Variants in RTTN observed in about 807,000 individuals in gnomAD.
The protein encoded by RTTN is rotatin.
RTTN carries 182 observed loss-of-function variants against 269.2 expected under a neutral mutation model. The observed-to-expected ratio is 0.68, with a 90% CI of 0.60 to 0.76. RTTN has a LOEUF of 0.76. Among genes scored for constraint, RTTN ranks in the 30% least tolerant of loss-of-function variants. The probability of loss-of-function intolerance (pLI) is 0.00; values close to 1 mark genes in which losing one functional copy is unlikely to be tolerated. For synonymous variants in RTTN, 1,006 were observed against 963.5 expected, an observed-to-expected ratio of 1.04 and a Z score of -0.82; for missense variants, 2,545 against 2,608.6, an observed-to-expected ratio of 0.98 and a Z score of 0.53.
chr18:70,032,475 G>C (rs2144641113), intron 40 of RTTN, among the ~76,000 whole-genome samples: 1 of 152,188 alleles, frequency 6.6e-6, no homozygotes, highest in Non-Finnish European at 1.5e-5. Context: ...TCAAAATAAA[G>C]GGATGGAAAA....
At chr18:70,088,233 C>T (rs2058753593) in intron 30 of RTTN, 86 bp from the exon 31 acceptor site, 28 of 1,248,408 alleles carry the variant, frequency 2.2e-5, no homozygotes, top group Non-Finnish European at 2.9e-5. Flanking sequence ...ATAAATATCA[C>T]ACTTTAAAAA....
At chr18:70,143,087 G>T (rs1300829598) in intron 18 of RTTN, among the ~76,000 whole-genome samples, 1 of 152,150 alleles carries the variant, frequency 6.6e-6, no homozygotes, top group Non-Finnish European at 1.5e-5. Context: ...TAGCAGTTTT[G>T]ATTTGCATTT....
At chr18:70,069,269 T>C (rs1331399076) in intron 34 of RTTN, among the ~76,000 whole-genome samples, 1 of 152,186 alleles carries the variant, frequency 6.6e-6, no homozygotes, top group East Asian at 1.9e-4. Context: ...GTGGTAATCA[T>C]TTCATCACAT....
chr18:70,140,063 G>T, intron 20 of RTTN, 37 bp downstream of exon 20: 2 of 1,329,926 alleles, frequency 1.5e-6, no homozygotes, highest in Non-Finnish European at 1.1e-6. Flanking sequence ...AATCAAAACA[G>T]CCTGTAAAAC....
chr18:70,168,113 CA>C lies in RTTN; in HGVS notation c.1689+741del, dbSNP rs757499939. On this transcript the variant is annotated intron_variant, in intron 12 of 48. Transcript: ENST00000640769. ...TAGCCTAGGCAACTGAGAAGGCTGT[CA>C]AAAAAAAAAAAAATTCAAAGAAAAT... 3.4e-3 allele frequency among the ~76,000 whole-genome samples: 470 copies of C among 139,482 alleles called. 2 individuals carry two copies. The highest frequency in any genetic ancestry group is 0.012 in the African/African-American group (429 of 36,366). 91.5% of individuals were successfully genotyped at this position (139,482 alleles called of 152,430 possible). A position where few individuals can be genotyped will look rare whatever the true frequency, so the allele number is the denominator to read the frequency against.
At chr18:70,023,047 G>A (rs1052654765) in intron 44 of RTTN, among the ~76,000 whole-genome samples, 1 of 152,092 alleles carries the variant, frequency 6.6e-6, no homozygotes, top group Non-Finnish European at 1.5e-5. Context: ...ACCCACAAGA[G>A]CTAGGAGTGC....
chr18:70,163,320 T>G (rs1241007089), intron 14 of RTTN, among the ~76,000 whole-genome samples: 3 of 151,470 alleles, frequency 2.0e-5, no homozygotes, highest in African/African-American at 7.3e-5. Context: ...AGGCAGAGGT[T>G]GCTGTGAGCC....
At chr18:70,081,293 A>C (rs1306956412) in intron 32 of RTTN, among the ~76,000 whole-genome samples, 1 of 150,146 alleles carries the variant, frequency 6.7e-6, no homozygotes, top group African/African-American at 2.4e-5. Flanking sequence ...ATGTAATCAA[A>C]CACCACCTGT....
At chr18:70,030,181 C>A in intron 41 of RTTN, 72 bp from the exon 42 acceptor site, 2 of 960,438 alleles carry the variant, frequency 2.1e-6, no homozygotes, top group South Asian at 3.2e-5. Context: ...ATATACCAAT[C>A]AGATTCTCAA....
chr18:70,031,714 C>G (rs1437608847), intron 40 of RTTN, among the ~76,000 whole-genome samples: 1 of 150,982 alleles, frequency 6.6e-6, no homozygotes, highest in East Asian at 1.9e-4. Flanking sequence ...CAACTAGATA[C>G]AGCCAGGAGG....
chr18:70,188,139 C>A lies in RTTN; in HGVS notation c.1274G>T (p.Trp425Leu). ...TATACCAAAAAGGCTGCTGTCATCC[C>A]AGATATCTGTTGAAATTGCTTCACC... is the stretch of plus-strand genomic sequence containing the variant. ...LIGEAISTDI[W>L]DDSSLFGIDM... The change falls in exon 10 of 49, where the codon TGG (tryptophan) becomes TTG (leucine). Residue 425 changes from tryptophan (W) to leucine (L), a missense_variant. Coordinates refer to ENST00000640769, the MANE Select transcript of RTTN (RefSeq NM_173630.4). 6.2e-7 allele frequency: 1 copy of A among 1,608,612 alleles called. No homozygotes were observed. Among genetic ancestry groups the A allele is most frequent in the South Asian group, 1.1e-5 (1 of 90,916 alleles).
rs751894594 is a variant in RTTN, at chr18:70,142,323, T to C, written c.2546A>G (p.Lys849Arg). 2 of 1,609,682 alleles carry C rather than the reference T, an allele frequency of 1.2e-6. No individual in the cohort carries two copies. Among genetic ancestry groups the C allele is most frequent in the Non-Finnish European group, 1.7e-6 (2 of 1,178,122 alleles). The change falls in exon 19 of 49, where the codon AAG becomes AGG. Residue 849 changes from lysine (K) to arginine (R), a missense_variant. Coordinates refer to ENST00000640769, the MANE Select transcript of RTTN (RefSeq NM_173630.4). The part of the protein sequence containing the change: ...TSDDVDLVLR[K>R]SAAEQLAVIM... ...CACAGCTAACTGTTCAGCAGCTGAC[T>C]TTCTCAAAACGAGATCAACATCATC...
intron 14 of RTTN, among the ~76,000 whole-genome samples, chr18:70,157,654 G>A (rs1050280250): frequency 2.0e-5 from 3 of 152,158 alleles, no homozygotes; most frequent in African/African-American, 4.8e-5. Context: ...GAAGCTGGAA[G>A]GCAAGGAAGC....
chr18:70,043,577 A>C (rs1357242914), intron 40 of RTTN, among the ~76,000 whole-genome samples: 1 of 152,236 alleles, frequency 6.6e-6, no homozygotes, highest in African/African-American at 2.4e-5. Context: ...AAGTAGCTAA[A>C]TGAGGTATAA....
At chr18:70,181,206 T>A (rs916391483) in intron 10 of RTTN, among the ~76,000 whole-genome samples, 1 of 152,186 alleles carries the variant, frequency 6.6e-6, no homozygotes, top group African/African-American at 2.4e-5. Flanking sequence ...GCAGGTCAGA[T>A]GGGAATTTAG....
chr18:70,166,598 G>A (rs1172253821), intron 13 of RTTN: 1 of 211,624 alleles, frequency 4.7e-6, no homozygotes, highest in Admixed American at 5.7e-5. Flanking sequence ...CTCAGTTTAA[G>A]TTATTAATTA....
intron 14 of RTTN, among the ~76,000 whole-genome samples, chr18:70,162,791 G>C (rs190762841): frequency 8.7e-5 from 13 of 149,992 alleles, no homozygotes; most frequent in Middle Eastern, 3.5e-3. Flanking sequence ...CTCACTACCT[G>C]GCTGACAAAA....
At chr18:70,148,447 A>G (rs973991229) in intron 17 of RTTN, among the ~76,000 whole-genome samples, 2 of 152,202 alleles carry the variant, frequency 1.3e-5, no homozygotes, top group Non-Finnish European at 2.9e-5. Context: ...ACACAGCTAT[A>G]TGGGATTAAA....
chr18:70,057,817 G>T lies in RTTN; in HGVS notation c.4956C>A (p.Thr1652=). The T allele has an allele frequency of 6.2e-7, 1 of 1,613,244 alleles. No individual in the cohort carries two copies. Among genetic ancestry groups the T allele is most frequent in the Non-Finnish European group, 8.5e-7 (1 of 1,179,350 alleles). The change falls in exon 37 of 49, where the codon ACC becomes ACA. Residue 1652 remains threonine (T), a synonymous_variant. Coordinates refer to ENST00000640769, the MANE Select transcript of RTTN (RefSeq NM_173630.4). Reference sequence around the variant, plus strand: ...GTTCCTGGACACATGTCTGTATGAGGGTAGCATCTGCAATGCTGTGACGAT... The same window carrying T: ...GTTCCTGGACACATGTCTGTATGAGTGTAGCATCTGCAATGCTGTGACGAT... ...IELLCSIADA[T]LIQTCVQELR...
Sources: allele counts gnomAD v4.1 joint callset (sites outside exome capture counted in the v4.1 genomes callset), GRCh38; gene constraint gnomAD v4.1.1; transcripts MANE v1.5; gene names NCBI Gene and HGNC (gene_info 2026-07-23, HGNC 2026-07-21).